C19orf38: variants seen among roughly 807,000 people sequenced by gnomAD.
C19orf38 encodes chromosome 19 open reading frame 38.
C19orf38 carries 14 observed loss-of-function variants against 26.6 expected under a neutral mutation model. The ratio of observed to expected loss-of-function variants is 0.53; its 90% CI spans 0.35 to 0.82. C19orf38 has a LOEUF of 0.82. Ranked by LOEUF, C19orf38 falls within the 40% of genes least tolerant of loss-of-function variation. C19orf38 has a pLI of 0.01. For synonymous variants in C19orf38, 132 were observed against 128.5 expected, an observed-to-expected ratio of 1.03 and a Z score of -0.18; for missense variants, 261 against 299.5, an observed-to-expected ratio of 0.87 and a Z score of 0.95.
At chr19:10,859,294 ATGTG>A (rs1426978656) in intron 4 of C19orf38, among the ~76,000 whole-genome samples, 1 of 103,538 alleles carries the variant, frequency 9.7e-6, no homozygotes. Flanking sequence ...GTGTGTGTAT[ATGTG>A]TGTGTGTGTA....
chr19:10,845,704 C>T (rs1418632244), upstream of C19orf38, among the ~76,000 whole-genome samples: 1 of 150,402 alleles, frequency 6.6e-6, no homozygotes, highest in African/African-American at 2.5e-5. Context: ...ATGGTGAAAC[C>T]CCATCTCCAC....
rs145402790 is a variant in C19orf38 at position 10,837,163 on chromosome 19, C to T, written c.-69+393C>T. 2.9e-3 allele frequency among the ~76,000 whole-genome samples: 436 copies of T among 152,262 alleles called. 1 individual carries two copies. Among genetic ancestry groups the T allele is most frequent in the African/African-American group, 9.4e-3 (390 of 41,544 alleles). The stretch of plus-strand genomic sequence containing the variant: ...GAAATGCTTGTTGAGTGCTTGCTTC[C>T]GCAGTGCGTGGGACATCACAGGCCC... On this transcript the variant is annotated intron_variant, in intron 1 of 7. Transcript: ENST00000592854.
At chr19:10,869,032 C>A (rs1568341099) in intron 6 of C19orf38, among the ~76,000 whole-genome samples, 186 bp from the exon 7 acceptor site, 1 of 151,952 alleles carries the variant, frequency 6.6e-6, no homozygotes, top group Non-Finnish European at 1.5e-5. Context: ...AATCCATGCT[C>A]TCTGGTCCCC....
chr19:10,858,733 C>A (rs2073657642), intron 4 of C19orf38, among the ~76,000 whole-genome samples: 1 of 152,026 alleles, frequency 6.6e-6, no homozygotes, highest in African/African-American at 2.4e-5. Flanking sequence ...TAAAGAATGC[C>A]CCTGGGGTTG....
intron 1 of C19orf38, among the ~76,000 whole-genome samples, chr19:10,849,939 C>T (rs1313027383): frequency 6.6e-6 from 1 of 151,982 alleles, no homozygotes; most frequent in Non-Finnish European, 1.5e-5. Context: ...GTGCCACATG[C>T]CTGTAATCCT....
At chr19:10,863,276 A>C in intron 6 of C19orf38, 69 bp downstream of exon 6, 1 of 1,495,148 alleles carries the variant, frequency 6.7e-7, no homozygotes. Flanking sequence ...GGCGGGCTCA[A>C]GGGGCACCAC....
chr19:10,858,294 G>A (rs2073652775), intron 3 of C19orf38, 22 bp from the exon 4 acceptor site: 1 of 1,473,956 alleles, frequency 6.8e-7, no homozygotes, highest in African/African-American at 1.4e-5. Context: ...TCTAACACAT[G>A]CTCATTTCTT....
chr19:10,866,559 G>C (rs1395235639), intron 6 of C19orf38, among the ~76,000 whole-genome samples: 1 of 151,200 alleles, frequency 6.6e-6, no homozygotes, highest in Non-Finnish European at 1.5e-5. Flanking sequence ...GCAGTGGTAC[G>C]ATCTTGGCTT....
intron 1 of C19orf38, chr19:10,841,956 G>T: frequency 6.2e-7 from 1 of 1,609,380 alleles, no homozygotes. Flanking sequence ...GAAGCCAAGT[G>T]CCATCTTCAA....
chr19:10,864,872 T>C (rs1258455244), intron 6 of C19orf38, among the ~76,000 whole-genome samples: 3 of 152,094 alleles, frequency 2.0e-5, no homozygotes, highest in Non-Finnish European at 4.4e-5. Context: ...CCTCAACCCA[T>C]GGCGCCTGGG....
intron 2 of C19orf38, among the ~76,000 whole-genome samples, chr19:10,853,506 A>G (rs1443734178): frequency 6.7e-6 from 1 of 149,756 alleles, no homozygotes; most frequent in African/African-American, 2.5e-5. Flanking sequence ...GGCTGCTCTC[A>G]AACTCCTGAC....
chr19:10,846,296 A>T (rs1435923975), upstream of C19orf38, among the ~76,000 whole-genome samples: 1 of 151,490 alleles, frequency 6.6e-6, no homozygotes, highest in Non-Finnish European at 1.5e-5. Context: ...TCCCGGGTTC[A>T]CGCCATTCTC....
rs372634737 is a variant in C19orf38 at position 10,868,715 on chromosome 19, A to C, written c.544-503A>C. Among the ~76,000 whole-genome samples the C allele has an allele frequency of 1.7e-4, 26 of 152,250 alleles. No homozygotes were observed. The East Asian group carries it at 2.3e-3, about 14-fold the overall frequency. Reference sequence around the variant, plus strand: ...CTGAGAGGGTTTCACCATGTTGGCCAGGCTGGTCTCGAACTCCTGACCTGA... The same window carrying C: ...CTGAGAGGGTTTCACCATGTTGGCCCGGCTGGTCTCGAACTCCTGACCTGA... On this transcript the variant is annotated intron_variant, in intron 6 of 6. Coordinates refer to ENST00000397820, the MANE Select transcript of C19orf38 (RefSeq NM_001136482.3).
rs144894471 is a variant in C19orf38, at chr19:10,861,703, G to A, written c.506-1467G>A. ...AGTGATTCTCCTGCCCCAGCCTCCCGAGTAGCTGGGATTACAGGCACGTGC... is the reference window on the plus strand; with the variant it reads ...AGTGATTCTCCTGCCCCAGCCTCCCAAGTAGCTGGGATTACAGGCACGTGC... On this transcript the variant is annotated intron_variant, in intron 5 of 6. Coordinates refer to ENST00000397820, the MANE Select transcript of C19orf38 (RefSeq NM_001136482.3). 7.0e-4 allele frequency among the ~76,000 whole-genome samples: 107 copies of A among 151,966 alleles called. 3 individuals are homozygous for A. Among genetic ancestry groups the A allele is most frequent in the African/African-American group, 2.5e-3 (102 of 41,428 alleles).
At chr19:10,853,220 G>A (rs1744783774) in intron 2 of C19orf38, among the ~76,000 whole-genome samples, 3 of 151,538 alleles carry the variant, frequency 2.0e-5, no homozygotes, top group African/African-American at 7.3e-5. Flanking sequence ...GCACCACCAC[G>A]CCTGGCTAAT....
rs185280707 is a variant in C19orf38 at position 10,856,090 on chromosome 19, A to C, written c.341-175A>C. Among the ~76,000 whole-genome samples the C allele has an allele frequency of 1.2e-4, 18 of 152,312 alleles. 1 individual carries two copies. In the East Asian group the frequency reaches 2.9e-3, roughly 24 times the overall value. ...TACATGCTCATCCTGAACCAATCAC[A>C]ATAGCCAGGAGCGGGGGATAGGCTA... On this transcript the variant is annotated intron_variant, in intron 2 of 6. Coordinates refer to ENST00000397820, the MANE Select transcript of C19orf38 (RefSeq NM_001136482.3).
chr19:10,846,174 CCT>C (rs1263388185), upstream of C19orf38, among the ~76,000 whole-genome samples: 1 of 151,460 alleles, frequency 6.6e-6, no homozygotes, highest in Admixed American at 6.6e-5. Context: ...AGAGCAAGAC[CCT>C]GTCTCAAAAA....
intron 1 of C19orf38, among the ~76,000 whole-genome samples, chr19:10,837,503 CTTTT>C (rs958209460): frequency 7.5e-5 from 7 of 93,614 alleles, no homozygotes; most frequent in African/African-American, 1.6e-4. Context: ...TTTTTTTTTC[CTTTT>C]TTTTTTTTTT....
intron 4 of C19orf38, among the ~76,000 whole-genome samples, chr19:10,859,360 A>G (rs1403049194): frequency 1.4e-4 from 5 of 35,284 alleles, no homozygotes; most frequent in South Asian, 1.1e-3. Flanking sequence ...ATATATATAT[A>G]TATATATATA....
Sources: gnomAD v4.1 joint callset for allele counts (sites outside exome capture counted in the v4.1 genomes callset) on GRCh38, gnomAD v4.1.1 for gene constraint, MANE v1.5 for transcripts, NCBI Gene and HGNC (gene_info 2026-07-23, HGNC 2026-07-21) for gene names.